Variants in EYA2 observed in about 807,000 individuals in gnomAD.
The protein encoded by EYA2 is EYA transcriptional coactivator and phosphatase 2, also known as protein phosphatase EYA2.
In EYA2, 31 loss-of-function variants were observed where a neutral mutation model predicts 69.2. The observed-to-expected ratio is 0.45, with a 90% CI of 0.34 to 0.60. EYA2 has a LOEUF of 0.60. Among genes scored for constraint, EYA2 ranks in the 20% least tolerant of loss-of-function variants. The pLI is 0.02. For synonymous variants in EYA2, 257 were observed against 279.4 expected (o/e 0.92, Z 0.80); for missense variants, 622 against 701.2 (o/e 0.89, Z 1.28).
chr20:47,012,708 G>A (rs1159393027), intron 4 of EYA2, among the ~76,000 whole-genome samples: 1 of 152,138 alleles, frequency 6.6e-6, no homozygotes, highest in Non-Finnish European at 1.5e-5. Flanking sequence ...TAGCCAGGCT[G>A]ATCTCGAACT....
At chr20:46,973,074 C>T (rs753278045) in intron 1 of EYA2, among the ~76,000 whole-genome samples, 1 of 152,072 alleles carries the variant, frequency 6.6e-6, no homozygotes, top group Non-Finnish European at 1.5e-5. Flanking sequence ...CAAGGGCCCT[C>T]GTGGTGTCAC....
intron 9 of EYA2, among the ~76,000 whole-genome samples, chr20:47,126,445 T>C (rs2033194381): frequency 6.6e-6 from 1 of 152,186 alleles, no homozygotes; most frequent in Admixed American, 6.5e-5. Flanking sequence ...ACGTACCTTC[T>C]AGCAATAAGG....
chr20:46,916,169 C>T (rs971561703), intron 1 of EYA2, among the ~76,000 whole-genome samples: 7 of 152,148 alleles, frequency 4.6e-5, no homozygotes, highest in African/African-American at 9.7e-5. Flanking sequence ...GCCATCCCTG[C>T]GTGCCAAGGC....
chr20:47,098,592 A>C (rs763809897), intron 9 of EYA2, among the ~76,000 whole-genome samples: 1 of 152,226 alleles, frequency 6.6e-6, no homozygotes, highest in Non-Finnish European at 1.5e-5. Flanking sequence ...TTCAAGTCAG[A>C]GACAAAGCCC....
chr20:46,986,059 A>G (rs914087553), intron 1 of EYA2, among the ~76,000 whole-genome samples: 2 of 152,008 alleles, frequency 1.3e-5, no homozygotes, highest in African/African-American at 4.8e-5. Context: ...ATAAGATGCA[A>G]ATTTCTGGCA....
chr20:47,015,101 AC>A (rs1983329059), intron 4 of EYA2, among the ~76,000 whole-genome samples: 1 of 152,246 alleles, frequency 6.6e-6, no homozygotes, highest in Non-Finnish European at 1.5e-5. Context: ...TTGCATATGC[AC>A]AGAACCTGTC....
chr20:47,150,228 T>C (rs2033796450), intron 10 of EYA2, among the ~76,000 whole-genome samples: 1 of 152,204 alleles, frequency 6.6e-6, no homozygotes, highest in East Asian at 1.9e-4. Flanking sequence ...TGTCCGCTTC[T>C]CTTCACTCCC....
At chr20:46,956,081 TC>T (rs1182256193) in intron 1 of EYA2, among the ~76,000 whole-genome samples, 1 of 152,260 alleles carries the variant, frequency 6.6e-6, no homozygotes, top group Non-Finnish European at 1.5e-5. Flanking sequence ...TCCACATTTT[TC>T]TTCATACTTT....
At chr20:47,126,620 T>G (rs1485851076) in intron 9 of EYA2, among the ~76,000 whole-genome samples, 1 of 152,178 alleles carries the variant, frequency 6.6e-6, no homozygotes, top group East Asian at 1.9e-4. Context: ...GAAAGCTGGT[T>G]TCATTAACAA....
chr20:47,116,076 A>C (rs2032882443), intron 9 of EYA2, among the ~76,000 whole-genome samples: 1 of 151,212 alleles, frequency 6.6e-6, no homozygotes, highest in Admixed American at 6.6e-5. Context: ...CCTCCTACTG[A>C]TGGTTCATAG....
At chr20:47,167,064 G>T (rs2146645402) in intron 10 of EYA2, 1 of 154,916 alleles carries the variant, frequency 6.5e-6, no homozygotes, top group Admixed American at 6.5e-5. Flanking sequence ...TGGCAGGTGT[G>T]CATCGTGTAG....
At chr20:46,971,926 G>A (rs1980170321) in intron 1 of EYA2, among the ~76,000 whole-genome samples, 1 of 152,196 alleles carries the variant, frequency 6.6e-6, no homozygotes, top group African/African-American at 2.4e-5. Context: ...TAAGGACACA[G>A]GAGTGACAAG....
intron 5 of EYA2, among the ~76,000 whole-genome samples, chr20:47,030,075 A>G (rs1034436557): frequency 2.0e-5 from 3 of 152,248 alleles, no homozygotes; most frequent in African/African-American, 7.2e-5. Context: ...CTGTCTTCCA[A>G]GACAGTGTTA....
intron 5 of EYA2, among the ~76,000 whole-genome samples, chr20:47,062,265 TTGAG>T (rs141544875): frequency 3.3e-4 from 51 of 152,346 alleles, no homozygotes; most frequent in African/African-American, 9.4e-4. Context: ...CAGCATTTTC[TTGAG>T]TATCTGTCCA....
In EYA2 at chr20:47,015,242, T is replaced by C. The variant is rs59619912; in HGVS notation, c.299-939T>C. On this transcript the variant is annotated intron_variant, in intron 4 of 15. Transcript: ENST00000327619. Reference sequence around the variant, plus strand: ...TTTGTACTATTGGAATTTTCTACAATGCATTCATTACATTTTCAGTAAAAA... The same window carrying C: ...TTTGTACTATTGGAATTTTCTACAACGCATTCATTACATTTTCAGTAAAAA... 0.028 allele frequency among the ~76,000 whole-genome samples: 4,197 copies of C among 152,326 alleles called. 386 individuals are homozygous for C. The East Asian group carries it at 0.28, about 10-fold the overall frequency.
chr20:47,182,164 C>T (rs535548358), intron 14 of EYA2, among the ~76,000 whole-genome samples: 1 of 152,078 alleles, frequency 6.6e-6, no homozygotes, highest in East Asian at 2.0e-4. Flanking sequence ...TACAGGCGTG[C>T]ACCACTACAC....
chr20:47,130,261 C>CTTTATTTTTTTTTTTT (rs2033305530), intron 9 of EYA2, among the ~76,000 whole-genome samples: 2 of 81,260 alleles, frequency 2.5e-5, no homozygotes, highest in African/African-American at 5.8e-5. Context: ...GGTTTATTTT[C>CTTTATTTTTTTTTTTT]TTTTTTTTTT....
intron 3 of EYA2, among the ~76,000 whole-genome samples, chr20:47,003,083 C>T (rs16992170): frequency 0.03 from 4,493 of 152,242 alleles, 385 homozygotes; most frequent in East Asian, 0.28. Context: ...TTTACCTGTA[C>T]GCTTAACCCA....
At chr20:46,995,295 CTTG>C (rs748995066) in intron 2 of EYA2, among the ~76,000 whole-genome samples, 15 of 152,180 alleles carry the variant, frequency 9.9e-5, no homozygotes, top group Non-Finnish European at 2.1e-4. Flanking sequence ...CTTTGATGGT[CTTG>C]TTGTGATTCT....
Sources: gnomAD v4.1 joint callset for allele counts (sites outside exome capture counted in the v4.1 genomes callset) on GRCh38, gnomAD v4.1.1 for gene constraint, MANE v1.5 for transcripts, NCBI Gene and HGNC (gene_info 2026-07-23, HGNC 2026-07-21) for gene names.